OR1D2: variants seen among roughly 807,000 people sequenced by gnomAD.
OR1D2 encodes the protein olfactory receptor family 1 subfamily D member 2, also known as olfactory receptor 1D2.
For missense variants in OR1D2, 357 were observed against 376.1 expected (o/e 0.95, Z 0.42); for synonymous variants, 157 against 153.9 (o/e 1.02, Z -0.15).
intron 1 of OR1D2, among the ~76,000 whole-genome samples, chr17:3,100,362 T>C (rs1429448247): frequency 6.6e-6 from 1 of 152,176 alleles, no homozygotes; most frequent in Admixed American, 6.5e-5. Context: ...GAACTCAGGA[T>C]TGAGAAACTC....
At chr17:3,099,559 C>T (rs538729793) in intron 1 of OR1D2, among the ~76,000 whole-genome samples, 7 of 152,238 alleles carry the variant, frequency 4.6e-5, no homozygotes, top group Non-Finnish European at 7.4e-5. Flanking sequence ...CTGGTACCAG[C>T]GACTGCAAAC....
intron 1 of OR1D2, among the ~76,000 whole-genome samples, chr17:3,103,314 C>T (rs2047882611): frequency 1.3e-5 from 2 of 151,984 alleles, no homozygotes; most frequent in South Asian, 4.2e-4. Context: ...GATCTCGGCT[C>T]ACGGCAATCT....
chr17:3,092,667 C>T lies in OR1D2; in HGVS notation c.330G>A (p.Leu110=). 1.2e-6 allele frequency: 2 copies of T among 1,614,066 alleles called. No individual in the cohort carries two copies. Among genetic ancestry groups the T allele is most frequent in the Non-Finnish European group, 1.7e-6 (2 of 1,180,010 alleles). Residue 110 remains leucine (L), a synonymous_variant, in exon 2 of 2, where the codon CTG becomes CTA. Transcript: ENST00000641833. ...CCATCACAGCCAGGATGAGGTTGTC[C>T]AGGGCCACCAAGGAGACCAGGAAGT... ...QLYFLVSLVA[L]DNLILAVMAY...
chr17:3,095,987 A>G (rs1224686905), intron 1 of OR1D2, among the ~76,000 whole-genome samples: 1 of 152,194 alleles, frequency 6.6e-6, no homozygotes, highest in Non-Finnish European at 1.5e-5. Flanking sequence ...ATCATTTTCT[A>G]TATATCATTG....
Position 3,102,923 on chromosome 17 carries a change from C to T in OR1D2, c.-51+1176G>A, listed in dbSNP as rs2047881146. 2.0e-5 allele frequency among the ~76,000 whole-genome samples: 3 copies of T among 152,182 alleles called. No homozygotes were observed. The South Asian group carries it at 6.2e-4, about 31-fold the overall frequency. Reference sequence around the variant, plus strand: ...CAGTCTTGCCTCTATCCTGGTTCTGCTGCCCTCTCAGACAGGAGCAGCTGG... The same window carrying T: ...CAGTCTTGCCTCTATCCTGGTTCTGTTGCCCTCTCAGACAGGAGCAGCTGG... On this transcript the variant is annotated intron_variant, in intron 1 of 1. Coordinates refer to ENST00000641833, the MANE Select transcript of OR1D2 (RefSeq NM_002548.3).
chr17:3,095,506 C>A lies in OR1D2; in HGVS notation c.-50-2460G>T, dbSNP rs371668645. ...TAGCAGACCTATCTTATAAAAACTA[C>A]TAAAGAAATTTCTTTAGGTTGAAAG... On this transcript the variant is annotated intron_variant, in intron 1 of 1. Coordinates refer to ENST00000641833, the MANE Select transcript of OR1D2 (RefSeq NM_002548.3). Among the ~76,000 whole-genome samples, 6 of 152,070 alleles carry A rather than the reference C, an allele frequency of 3.9e-5. No individual in the cohort carries two copies. The East Asian group carries it at 1.2e-3, about 29-fold the overall frequency.
At position 3,092,360 on chromosome 17, in the gene OR1D2, A is replaced by G; in HGVS notation, c.637T>C (p.Phe213Leu). The change falls in exon 2 of 2, where the codon TTC becomes CTC. Residue 213 changes from phenylalanine (F) to leucine (L), a missense_variant. By Grantham distance (22) the Phe-to-Leu change is conservative (BLOSUM62 0). Transcript: ENST00000641833. The part of the protein sequence containing the change: ...GCFIFLIPFG[F>L]VIISYVLIIR... ...ATCAGCACATAGGAAATGATCACGA[A>G]TCCAAAGGGAATGAGGAAGATGAAG... 1 of 1,614,194 alleles carries G rather than the reference A, an allele frequency of 6.2e-7. No individual in the cohort carries two copies. Among genetic ancestry groups the G allele is most frequent in the South Asian group, 1.1e-5 (1 of 91,078 alleles).
intron 1 of OR1D2, among the ~76,000 whole-genome samples, chr17:3,101,679 G>C (rs1172744631): frequency 6.6e-6 from 1 of 152,140 alleles, no homozygotes; most frequent in African/African-American, 2.4e-5. Context: ...GGGCAATCAG[G>C]CAAGAGAAAG....
At chr17:3,093,477 A>ATCAAG (rs2047827547) in intron 1 of OR1D2, among the ~76,000 whole-genome samples, 1 of 152,238 alleles carries the variant, frequency 6.6e-6, no homozygotes, top group African/African-American at 2.4e-5. Context: ...AATACTTGAA[A>ATCAAG]TCAAGTCTTT....
At chr17:3,100,659 A>G (rs1443191692) in intron 1 of OR1D2, among the ~76,000 whole-genome samples, 1 of 152,154 alleles carries the variant, frequency 6.6e-6, no homozygotes, top group East Asian at 1.9e-4. Context: ...AGCAGAAGAC[A>G]ATAAGTAAGA....
At chr17:3,093,841 G>A (rs772607815) in intron 1 of OR1D2, among the ~76,000 whole-genome samples, 3 of 152,078 alleles carry the variant, frequency 2.0e-5, no homozygotes, top group African/African-American at 4.8e-5. Context: ...AACATATCAA[G>A]GTTTCTAATA....
rs1237596154 is a variant in OR1D2, at chr17:3,100,909, C to A, written c.-51+3190G>T. ...CTATAAATACCCCTACGCAAATAAA[C>A]TAGAAAATCTAGAAGAAATGAATAA... On this transcript the variant is annotated intron_variant, in intron 1 of 1. Transcript: ENST00000641833. Among the ~76,000 whole-genome samples the A allele has an allele frequency of 3.9e-5, 6 of 152,112 alleles. No individual in the cohort carries two copies. The East Asian group carries it at 1.2e-3, about 29-fold the overall frequency.
chr17:3,093,045 T>C lies in OR1D2; in HGVS notation c.-49A>G, dbSNP rs890890202. ...AACACCAGCAAATGTTTACCAAAAGTCCTTAATTGAATAAAAACATGAAGA... is the reference window on the plus strand; with the variant it reads ...AACACCAGCAAATGTTTACCAAAAGCCCTTAATTGAATAAAAACATGAAGA... On this transcript the variant is annotated splice_region_variant and 5_prime_UTR_variant, in exon 2 of 2. Coordinates refer to ENST00000641833, the MANE Select transcript of OR1D2 (RefSeq NM_002548.3). The C allele has an allele frequency of 1.3e-6, 2 of 1,527,044 alleles. No homozygotes were observed. The highest frequency in any genetic ancestry group is 2.8e-5 in the African/African-American group (2 of 72,184). The allele number at this position is 1,527,044 out of a possible 1,614,324, so 94.6% of individuals were successfully genotyped here.
chr17:3,097,180 C>T (rs1182741078), intron 1 of OR1D2, among the ~76,000 whole-genome samples: 9 of 152,088 alleles, frequency 5.9e-5, no homozygotes, highest in South Asian at 2.1e-4. Context: ...AGTTTGTGTG[C>T]GTAGAGGTGT....
rs780494385 is a variant in OR1D2 at position 3,092,601 on chromosome 17, G to A, written c.396C>T (p.Tyr132=). 2.5e-6 allele frequency: 4 copies of A among 1,614,138 alleles called. No homozygotes were observed. Among genetic ancestry groups the A allele is most frequent in the South Asian group, 1.1e-5 (1 of 91,076 alleles). The part of the protein sequence containing the change: ...RYVAICCPLH[Y]TTAMSPKLCI... Reference sequence around the variant, plus strand: ...AGAGCTTAGGGCTCATGGCTGTGGTGTAGTGGAGGGGGCAGCAGATGGCCA... The same window carrying A: ...AGAGCTTAGGGCTCATGGCTGTGGTATAGTGGAGGGGGCAGCAGATGGCCA... Residue 132 remains tyrosine (Y), a synonymous_variant, in exon 2 of 2, where the codon TAC becomes TAT. Coordinates refer to ENST00000641833, the MANE Select transcript of OR1D2 (RefSeq NM_002548.3).
At chr17:3,093,965 T>A (rs1231289908) in intron 1 of OR1D2, among the ~76,000 whole-genome samples, 1 of 152,202 alleles carries the variant, frequency 6.6e-6, no homozygotes, top group Non-Finnish European at 1.5e-5. Context: ...TTCATCTAAA[T>A]ATAAGCATGT....
At chr17:3,093,487 T>C (rs918802918) in intron 1 of OR1D2, among the ~76,000 whole-genome samples, 1 of 152,212 alleles carries the variant, frequency 6.6e-6, no homozygotes, top group Admixed American at 6.5e-5. Flanking sequence ...ATCAAGTCTT[T>C]CCCTGCTAGT....
chr17:3,094,372 A>G (rs143123361), intron 1 of OR1D2, among the ~76,000 whole-genome samples: 3 of 152,150 alleles, frequency 2.0e-5, no homozygotes, highest in Admixed American at 1.3e-4. Context: ...ATGTTTAAAA[A>G]ATCAAAAAAG....
In OR1D2 at chr17:3,092,593, G is replaced by T. The variant is rs750518558; in HGVS notation, c.404C>A (p.Ala135Asp). 7 of 1,614,146 alleles carry T rather than the reference G, an allele frequency of 4.3e-6. No individual in the cohort carries two copies. The highest frequency in any genetic ancestry group is 1.7e-5 in the Admixed American group (1 of 60,016). Reference sequence around the variant, plus strand: ...TAAGATACAGAGCTTAGGGCTCATGGCTGTGGTGTAGTGGAGGGGGCAGCA... The same window carrying T: ...TAAGATACAGAGCTTAGGGCTCATGTCTGTGGTGTAGTGGAGGGGGCAGCA... ...AICCPLHYTTAMSPKLCILLL... is the reference protein window; with the variant it reads ...AICCPLHYTTDMSPKLCILLL... The change falls in exon 2 of 2, where the codon GCC becomes GAC. Residue 135 changes from alanine (A) to aspartate (D), a missense_variant. Ala to Asp is a moderately radical substitution (Grantham distance 126, BLOSUM62 -2). Transcript: ENST00000641833.
Sources: gnomAD v4.1 joint callset for allele counts (sites outside exome capture counted in the v4.1 genomes callset) on GRCh38, gnomAD v4.1.1 for gene constraint, MANE v1.5 for transcripts, NCBI Gene and HGNC (gene_info 2026-07-23, HGNC 2026-07-21) for gene names.